The following EIF4ENIF1 variants were observed in gnomAD, a reference collection of about 807,000 sequenced individuals.
EIF4ENIF1 encodes the protein eukaryotic translation initiation factor 4E transporter.
A neutral mutation model predicts 110.5 loss-of-function variants in EIF4ENIF1; 23 were observed. The ratio of observed to expected loss-of-function variants is 0.21; its 90% CI spans 0.15 to 0.29. The LOEUF (loss-of-function observed/expected upper bound fraction) is 0.29, where lower values mean the gene tolerates loss of function less well. Among genes scored for constraint, EIF4ENIF1 ranks in the 10% least tolerant of loss-of-function variants. EIF4ENIF1 has a pLI of 1.00. For missense variants in EIF4ENIF1, 1,031 were observed against 1,221.1 expected, an observed-to-expected ratio of 0.84 and a Z score of 2.32; for synonymous variants, 440 against 437.0, an observed-to-expected ratio of 1.01 and a Z score of -0.09.
At chr22:31,475,976 T>C (rs1374095458) in intron 2 of EIF4ENIF1, among the ~76,000 whole-genome samples, 1 of 151,874 alleles carries the variant, frequency 6.6e-6, no homozygotes, top group African/African-American at 2.4e-5. Flanking sequence ...TCAGGGAGGA[T>C]GGAGCAATAG....
Position 31,463,784 on chromosome 22 carries a change from A to C in EIF4ENIF1, c.482T>G (p.Ile161Ser). 6.2e-7 allele frequency: 1 copy of C among 1,613,788 alleles called. No homozygotes were observed. The highest frequency in any genetic ancestry group is 8.5e-7 in the Non-Finnish European group (1 of 1,180,004). The stretch of plus-strand genomic sequence containing the variant: ...ATCCTTCTCAAAGGTCCGGGCAGAG[A>C]TTATCCTCCCACTGCCAATCCTACG... The part of the protein sequence containing the change: ...GGRRIGSGRI[I>S]SARTFEKDHR... The change falls in exon 5 of 19, where the codon ATC (isoleucine) becomes AGC (serine). Residue 161 changes from isoleucine to serine, a missense_variant. Ile to Ser is a moderately radical substitution (Grantham distance 142). Transcript: ENST00000330125.
intron 12 of EIF4ENIF1, 86 bp downstream of exon 12, chr22:31,449,262 G>T: frequency 5.0e-6 from 7 of 1,410,990 alleles, no homozygotes; most frequent in Non-Finnish European, 6.8e-6. Flanking sequence ...TGCCCACCTC[G>T]GCCTCCCAGA....
intron 13 of EIF4ENIF1, 67 bp from the exon 14 acceptor site, chr22:31,447,632 C>G: frequency 6.6e-7 from 1 of 1,512,434 alleles, no homozygotes; most frequent in South Asian, 1.3e-5. Flanking sequence ...AAAGGTTTCT[C>G]TTCACTCTTA....
chr22:31,463,454 C>T (rs1178808145), intron 5 of EIF4ENIF1, among the ~76,000 whole-genome samples: 12 of 151,956 alleles, frequency 7.9e-5, no homozygotes, highest in African/African-American at 1.7e-4. Flanking sequence ...CGAGGCAGGC[C>T]GATCACCTAA....
At chr22:31,474,127 G>A (rs1216367157) in intron 2 of EIF4ENIF1, among the ~76,000 whole-genome samples, 1 of 150,664 alleles carries the variant, frequency 6.6e-6, no homozygotes, top group Non-Finnish European at 1.5e-5. Flanking sequence ...GCGCAATCTT[G>A]GCTCACTGCA....
At chr22:31,472,674 T>G (rs887411180) in intron 2 of EIF4ENIF1, among the ~76,000 whole-genome samples, 2 of 152,204 alleles carry the variant, frequency 1.3e-5, no homozygotes, top group Non-Finnish European at 1.5e-5. Context: ...TTTACTTTTT[T>G]GCAGAATTTT....
At chr22:31,486,921 A>T (rs1601664463) in intron 2 of EIF4ENIF1, among the ~76,000 whole-genome samples, 1 of 3,456 alleles carries the variant, frequency 2.9e-4, no homozygotes. Flanking sequence ...TCTCTACTAT[A>T]AAAAAAAAAA....
At chr22:31,457,810 T>C (rs1372943401) in intron 7 of EIF4ENIF1, among the ~76,000 whole-genome samples, 3 of 152,238 alleles carry the variant, frequency 2.0e-5, no homozygotes, top group Non-Finnish European at 4.4e-5. Context: ...CCTTAAATAA[T>C]GCTGACTTTT....
rs530408683 is a variant in EIF4ENIF1, at chr22:31,457,058, T to C, written c.964-1071A>G. On this transcript the variant is annotated intron_variant, in intron 7 of 18. Transcript: ENST00000330125. ...TTGTAATGAACATTATGAAATTCAA[T>C]CTTGAGAGTTTCAGAAGCCAAAGGC... is the stretch of plus-strand genomic sequence containing the variant. 3.3e-5 allele frequency among the ~76,000 whole-genome samples: 5 copies of C among 152,314 alleles called. No individual in the cohort carries two copies. The South Asian group carries it at 1.0e-3, about 32-fold the overall frequency.
intron 17 of EIF4ENIF1, among the ~76,000 whole-genome samples, chr22:31,441,530 AC>A (rs1436895556): frequency 7.0e-6 from 1 of 142,748 alleles, no homozygotes; most frequent in Non-Finnish European, 1.5e-5. Context: ...ACAGAGTGAG[AC>A]TTCTGTCTCT....
chr22:31,449,246 G>C (rs1372819161), intron 12 of EIF4ENIF1, 102 bp downstream of exon 12: 2 of 1,237,842 alleles, frequency 1.6e-6, no homozygotes, highest in African/African-American at 3.0e-5. Context: ...CTGACCTCAG[G>C]TGATCTGCCC....
Position 31,476,300 on chromosome 22 carries a change from T to C in EIF4ENIF1, c.97-4383A>G, listed in dbSNP as rs557971142. On this transcript the variant is annotated intron_variant, in intron 2 of 18. Coordinates refer to ENST00000330125, the MANE Select transcript of EIF4ENIF1 (RefSeq NM_019843.4). ...TGGTGTTTTGTTTGAAACTTTTAAC[T>C]CCAAAGGTAACAGGGATCCCAATAG... Among the ~76,000 whole-genome samples, 3 of 152,260 alleles carry C rather than the reference T, an allele frequency of 2.0e-5. No individual in the cohort carries two copies. The East Asian group carries it at 5.8e-4, about 29-fold the overall frequency.
chr22:31,475,721 TAA>T (rs11089509), intron 2 of EIF4ENIF1, among the ~76,000 whole-genome samples: 43 of 133,816 alleles, frequency 3.2e-4, no homozygotes, highest in African/African-American at 3.6e-4. Flanking sequence ...AGACTCCGTT[TAA>T]AAAAAAAAAA....
downstream of EIF4ENIF1, among the ~76,000 whole-genome samples, chr22:31,438,936 G>GA (rs1374225410): frequency 1.3e-5 from 2 of 152,106 alleles, no homozygotes; most frequent in African/African-American, 2.4e-5. Context: ...TGGCTAGGAT[G>GA]GTCTTGATCT....
intron 11 of EIF4ENIF1, 121 bp from the exon 12 acceptor site, chr22:31,449,652 T>C (rs541496293): frequency 3.7e-6 from 3 of 811,732 alleles, no homozygotes; most frequent in East Asian, 5.2e-5. Context: ...ACTGAAGGAC[T>C]TGGCATGTGT....
intron 3 of EIF4ENIF1, among the ~76,000 whole-genome samples, chr22:31,469,347 A>G (rs1231520927): frequency 2.0e-5 from 3 of 152,212 alleles, no homozygotes; most frequent in African/African-American, 4.8e-5. Flanking sequence ...GATGTTTGCA[A>G]TGATAAATTT....
Position 31,472,596 on chromosome 22 carries a change from G to T in EIF4ENIF1, c.97-679C>A, listed in dbSNP as rs540021863. Among the ~76,000 whole-genome samples, 20 of 152,090 alleles carry T rather than the reference G, an allele frequency of 1.3e-4. No individual in the cohort carries two copies. In the South Asian group the frequency reaches 4.0e-3, roughly 30 times the overall value. ...GATAGTTTTTTTTAAATGTAATGTT[G>T]CAAGACTGAAAAAACACAAAAAACA... On this transcript the variant is annotated intron_variant, in intron 2 of 18. Coordinates refer to ENST00000330125, the MANE Select transcript of EIF4ENIF1 (RefSeq NM_019843.4).
intron 7 of EIF4ENIF1, among the ~76,000 whole-genome samples, chr22:31,456,439 G>C (rs4297979): frequency 0.26 from 39,974 of 151,578 alleles, 8,419 homozygotes; most frequent in African/African-American, 0.58. Flanking sequence ...TAGCCAGGAT[G>C]GTCTCGATCT....
intron 2 of EIF4ENIF1, among the ~76,000 whole-genome samples, chr22:31,484,984 A>C (rs2146104985): frequency 6.6e-6 from 1 of 152,346 alleles, no homozygotes; most frequent in South Asian, 2.1e-4. Flanking sequence ...ATATTATTCC[A>C]GTTGTGGAAC....
Sources: gnomAD v4.1 joint callset for allele counts (sites outside exome capture counted in the v4.1 genomes callset) on GRCh38, gnomAD v4.1.1 for gene constraint, MANE v1.5 for transcripts, NCBI Gene and HGNC (gene_info 2026-07-23, HGNC 2026-07-21) for gene names.